The following FBXL17 variants were observed in gnomAD, a reference collection of about 807,000 sequenced individuals.
FBXL17 encodes F-box and leucine rich repeat protein 17, also known as F-box/LRR-repeat protein 17.
In FBXL17, 22 loss-of-function variants were observed where a neutral mutation model predicts 66.2. That is an observed-to-expected ratio of 0.33 (90% CI 0.24 to 0.47). The LOEUF is 0.47. FBXL17 is among the 20% of genes least tolerant of loss of function. The pLI is 1.00. For synonymous variants in FBXL17, 474 were observed against 400.5 expected (o/e 1.18, Z -2.19); for missense variants, 878 against 948.2 (o/e 0.93, Z 0.97).
At chr5:108,355,885 A>G (rs915193110) in intron 3 of FBXL17, among the ~76,000 whole-genome samples, 1 of 152,214 alleles carries the variant, frequency 6.6e-6, no homozygotes, top group African/African-American at 2.4e-5. Context: ...ATCCAACTAC[A>G]GAAATAATCT....
At chr5:107,991,195 G>T (rs549375715) in intron 7 of FBXL17, among the ~76,000 whole-genome samples, 84 of 152,282 alleles carry the variant, frequency 5.5e-4, no homozygotes, top group African/African-American at 2.0e-3. Flanking sequence ...GGGACTGAAG[G>T]GATGGAAATT....
intron 4 of FBXL17, among the ~76,000 whole-genome samples, chr5:108,296,184 G>C (rs539913375): frequency 6.6e-6 from 1 of 151,664 alleles, no homozygotes; most frequent in Non-Finnish European, 1.5e-5. Context: ...ACAAGAGATA[G>C]GGAAGAATCA....
chr5:108,125,469 T>C (rs1750661767), intron 6 of FBXL17, among the ~76,000 whole-genome samples: 1 of 152,030 alleles, frequency 6.6e-6, no homozygotes, highest in Non-Finnish European at 1.5e-5. Context: ...CTGAACAAAA[T>C]GGTTAACACT....
At chr5:108,047,925 C>T (rs982202348) in intron 6 of FBXL17, among the ~76,000 whole-genome samples, 1 of 152,238 alleles carries the variant, frequency 6.6e-6, no homozygotes, top group African/African-American at 2.4e-5. Flanking sequence ...GAAGCACACC[C>T]CTCCACCAAG....
intron 7 of FBXL17, among the ~76,000 whole-genome samples, chr5:107,976,673 A>G (rs1030795378): frequency 2.6e-5 from 4 of 152,178 alleles, no homozygotes; most frequent in Non-Finnish European, 4.4e-5. Context: ...AACACATTTC[A>G]TTTTTTAAAA....
intron 6 of FBXL17, among the ~76,000 whole-genome samples, chr5:108,184,056 A>G (rs1438479127): frequency 6.6e-6 from 1 of 152,208 alleles, no homozygotes; most frequent in African/African-American, 2.4e-5. Context: ...AAATGTCACT[A>G]GAATTTACCA....
At chr5:107,921,275 C>T (rs1750309682) in intron 7 of FBXL17, among the ~76,000 whole-genome samples, 1 of 152,188 alleles carries the variant, frequency 6.6e-6, no homozygotes, top group Admixed American at 6.5e-5. Context: ...GTCCCTGAGG[C>T]TTCTTCAGAA....
At chr5:108,031,104 T>G (rs1355852251) in intron 6 of FBXL17, among the ~76,000 whole-genome samples, 1 of 152,052 alleles carries the variant, frequency 6.6e-6, no homozygotes, top group Non-Finnish European at 1.5e-5. Context: ...AAGGTAACAG[T>G]ATAAGCAAGT....
intron 5 of FBXL17, among the ~76,000 whole-genome samples, chr5:108,219,610 C>T (rs1754762898): frequency 6.6e-6 from 1 of 152,014 alleles, no homozygotes; most frequent in Non-Finnish European, 1.5e-5. Flanking sequence ...TTGCTTGAAC[C>T]CGAGAGGTGG....
At chr5:107,956,537 T>C (rs1275418974) in intron 7 of FBXL17, among the ~76,000 whole-genome samples, 4 of 152,224 alleles carry the variant, frequency 2.6e-5, no homozygotes, top group African/African-American at 9.6e-5. Context: ...ACTTAAACTC[T>C]GAGATTTAGG....
intron 4 of FBXL17, among the ~76,000 whole-genome samples, chr5:108,277,405 G>A (rs543676281): frequency 5.3e-5 from 8 of 152,154 alleles, no homozygotes; most frequent in African/African-American, 1.9e-4. Flanking sequence ...TAACCTCCAT[G>A]CATTCCTTTT....
intron 6 of FBXL17, among the ~76,000 whole-genome samples, chr5:108,103,813 C>T (rs1348879995): frequency 6.6e-6 from 1 of 152,146 alleles, no homozygotes; most frequent in Non-Finnish European, 1.5e-5. Context: ...GTATTGACTA[C>T]ATGTATTTGA....
intron 8 of FBXL17, among the ~76,000 whole-genome samples, chr5:107,872,492 C>T (rs1165667355): frequency 1.3e-5 from 2 of 152,186 alleles, no homozygotes; most frequent in African/African-American, 2.4e-5. Context: ...ATTTCAAATA[C>T]ATAAAGCAGT....
chr5:108,263,986 C>A (rs543904357), intron 4 of FBXL17, among the ~76,000 whole-genome samples: 1 of 152,018 alleles, frequency 6.6e-6, no homozygotes, highest in South Asian at 2.1e-4. Flanking sequence ...GAGGCCGAGG[C>A]GGGTAGATCA....
At chr5:108,102,099 GAAGGATTA>G (rs1295827532) in intron 6 of FBXL17, among the ~76,000 whole-genome samples, 4 of 152,098 alleles carry the variant, frequency 2.6e-5, no homozygotes. Context: ...CCCCAAGAAA[GAAGGATTA>G]AATACAGCTC....
chr5:108,373,167 C>G (rs1749153697), intron 1 of FBXL17, among the ~76,000 whole-genome samples: 1 of 145,442 alleles, frequency 6.9e-6, no homozygotes. Context: ...ATATATAATT[C>G]TCATATATAC....
intron 6 of FBXL17, among the ~76,000 whole-genome samples, chr5:108,074,628 CA>C (rs1394127265): frequency 6.6e-6 from 1 of 152,116 alleles, no homozygotes; most frequent in Non-Finnish European, 1.5e-5. Context: ...AAGGAACACA[CA>C]AAAAAGGCAC....
chr5:108,252,275 T>G (rs1343487201), intron 4 of FBXL17, among the ~76,000 whole-genome samples: 1 of 152,096 alleles, frequency 6.6e-6, no homozygotes, highest in Admixed American at 6.6e-5. Flanking sequence ...ATTTTATAAC[T>G]GGGGGGTTTC....
intron 4 of FBXL17, chr5:108,298,248 T>C: frequency 2.0e-6 from 2 of 984,544 alleles, no homozygotes; most frequent in Non-Finnish European, 2.4e-6. Flanking sequence ...GTTATAGTCT[T>C]CTTGCTACTT....
Sources: gnomAD v4.1 joint callset for allele counts (sites outside exome capture counted in the v4.1 genomes callset) on GRCh38, gnomAD v4.1.1 for gene constraint, MANE v1.5 for transcripts, NCBI Gene and HGNC (gene_info 2026-07-23, HGNC 2026-07-21) for gene names.